GSE1: variants seen among roughly 807,000 people sequenced by gnomAD.
GSE1 encodes Gse1 coiled-coil protein.
In GSE1, 32 loss-of-function variants were observed where a neutral mutation model predicts 112.6. The observed-to-expected ratio is 0.28, with a 90% CI of 0.21 to 0.38. The LOEUF (loss-of-function observed/expected upper bound fraction) is 0.38. GSE1 is among the 10% of genes least tolerant of loss of function. GSE1 has a pLI of 1.00. For synonymous variants in GSE1, 1,115 were observed against 735.6 expected, an observed-to-expected ratio of 1.52 and a Z score of -8.35; for missense variants, 2,348 against 1,699.2, an observed-to-expected ratio of 1.38 and a Z score of -6.71.
intron 2 of GSE1, among the ~76,000 whole-genome samples, chr16:85,412,929 A>C (rs1358160125): frequency 6.6e-6 from 1 of 152,128 alleles, no homozygotes; most frequent in Non-Finnish European, 1.5e-5. Flanking sequence ...CCCCTGTGTG[A>C]CTGTATTGAC....
chr16:85,610,407 AGAG>A (rs1033825582), upstream of GSE1, among the ~76,000 whole-genome samples: 2 of 152,116 alleles, frequency 1.3e-5, no homozygotes, highest in Non-Finnish European at 2.9e-5. Flanking sequence ...TTAGGAAGAG[AGAG>A]GAGGAGGAGC....
rs116486412 is a variant in GSE1, at chr16:85,525,019, G to A, written c.2465-108895G>A. ...AACAACCTGCTCCCTGGGGTGATCCGGCCGTCTCACTGGCTGCCCGCAGCC... is the reference window on the plus strand; with the variant it reads ...AACAACCTGCTCCCTGGGGTGATCCAGCCGTCTCACTGGCTGCCCGCAGCC... On this transcript the variant is annotated intron_variant, in intron 2 of 2. Transcript: ENST00000637419. Among the ~76,000 whole-genome samples, 1,368 of 152,300 alleles carry A rather than the reference G, an allele frequency of 9.0e-3. 12 individuals are homozygous for A. Among genetic ancestry groups the A allele is most frequent in the Non-Finnish European group, 0.015 (998 of 68,016 alleles).
chr16:85,515,314 C>T (rs1357614578), intron 2 of GSE1, among the ~76,000 whole-genome samples: 1 of 152,272 alleles, frequency 6.6e-6, no homozygotes, highest in African/African-American at 2.4e-5. Context: ...GGCCTGGTCT[C>T]AGCCCACGCT....
At chr16:85,398,754 G>A (rs191548452) in intron 2 of GSE1, among the ~76,000 whole-genome samples, 2 of 152,262 alleles carry the variant, frequency 1.3e-5, no homozygotes, top group Non-Finnish European at 2.9e-5. Context: ...CTGGGTTCCT[G>A]GGCTGGAAGA....
intron 2 of GSE1, among the ~76,000 whole-genome samples, chr16:85,446,126 C>T (rs1024786705): frequency 2.0e-5 from 3 of 152,170 alleles, no homozygotes; most frequent in Admixed American, 6.5e-5. Flanking sequence ...CAGAGAGCCC[C>T]GCCTGGCCCT....
At chr16:85,469,992 C>G (rs183851223) in intron 2 of GSE1, among the ~76,000 whole-genome samples, 6 of 152,364 alleles carry the variant, frequency 3.9e-5, no homozygotes, top group Admixed American at 1.3e-4. Context: ...TGGAGGGCTG[C>G]TCCCACTCAC....
chr16:85,324,297 G>A (rs144705428), intron 1 of GSE1, among the ~76,000 whole-genome samples: 6 of 152,192 alleles, frequency 3.9e-5, no homozygotes, highest in African/African-American at 1.4e-4. Context: ...ATCACCTGGG[G>A]TCAGGAGTTT....
chr16:85,378,173 G>A (rs944845747), intron 2 of GSE1, among the ~76,000 whole-genome samples: 11 of 152,306 alleles, frequency 7.2e-5, no homozygotes, highest in Non-Finnish European at 1.3e-4. Context: ...GAGGAGGGCA[G>A]TGGGGGTAGG....
At chr16:85,633,847 G>A (rs573535667) in intron 1 of GSE1, 67 bp from the exon 2 acceptor site, 21 of 1,301,858 alleles carry the variant, frequency 1.6e-5, no homozygotes, top group South Asian at 3.8e-5. Context: ...CGGCCCTGCC[G>A]ACCCTGCTCT....
intron 7 of GSE1, among the ~76,000 whole-genome samples, 177 bp from the exon 8 acceptor site, chr16:85,657,100 C>T (rs1040286411): frequency 6.6e-6 from 1 of 152,206 alleles, no homozygotes; most frequent in African/African-American, 2.4e-5. Flanking sequence ...CTTCCAGGGA[C>T]AAGACATGCT....
At chr16:85,369,190 T>C (rs1260430818) in intron 2 of GSE1, among the ~76,000 whole-genome samples, 3 of 151,232 alleles carry the variant, frequency 2.0e-5, no homozygotes, top group Non-Finnish European at 3.0e-5. Context: ...AGGGGCCGTT[T>C]CATCTCCTAC....
intron 2 of GSE1, among the ~76,000 whole-genome samples, chr16:85,475,221 A>C (rs1357388131): frequency 1.3e-5 from 2 of 151,404 alleles, no homozygotes; most frequent in African/African-American, 2.4e-5. Flanking sequence ...CCCAGACCCC[A>C]CCCCACCTCC....
intron 1 of GSE1, among the ~76,000 whole-genome samples, chr16:85,192,353 A>G (rs1266951174): frequency 6.6e-6 from 1 of 152,264 alleles, no homozygotes; most frequent in East Asian, 1.9e-4. Flanking sequence ...TGTAAAGGTT[A>G]ATAGCCATAT....
intron 1 of GSE1, among the ~76,000 whole-genome samples, chr16:85,301,254 A>G (rs1286439418): frequency 6.6e-6 from 1 of 152,220 alleles, no homozygotes; most frequent in African/African-American, 2.4e-5. Context: ...TGGGCCCAGG[A>G]AAGTGGTGCC....
intron 1 of GSE1, among the ~76,000 whole-genome samples, chr16:85,621,407 G>GA (rs2048734906): frequency 6.6e-6 from 1 of 152,258 alleles, no homozygotes; most frequent in Admixed American, 6.5e-5. Context: ...TGTGCGCTGA[G>GA]ATCGTATCTA....
chr16:85,463,252 C>T (rs1177313149), intron 2 of GSE1: 1 of 270,758 alleles, frequency 3.7e-6, no homozygotes, highest in African/African-American at 2.3e-5. Context: ...CCTCCAGCCC[C>T]ATCACCTTCA....
chr16:85,273,830 C>T (rs112090762), intron 1 of GSE1, among the ~76,000 whole-genome samples: 3,314 of 151,560 alleles, frequency 0.022, 138 homozygotes, highest in African/African-American at 0.076. Context: ...GCTGGGATTA[C>T]AGGTACCTGC....
At chr16:85,555,144 C>T (rs1055257434), upstream of GSE1, 2 of 985,320 alleles carry the variant, frequency 2.0e-6, no homozygotes, top group African/African-American at 1.7e-5. Context: ...GCCGCTGCGC[C>T]CCTACCCTTT....
chr16:85,389,897 G>A (rs1054396495), intron 2 of GSE1, among the ~76,000 whole-genome samples: 1 of 152,172 alleles, frequency 6.6e-6, no homozygotes, highest in Non-Finnish European at 1.5e-5. Flanking sequence ...CACGCTTAGC[G>A]GATCTGGGCA....
Sources: gnomAD v4.1 joint callset for allele counts (sites outside exome capture counted in the v4.1 genomes callset) on GRCh38, gnomAD v4.1.1 for gene constraint, MANE v1.5 for transcripts, NCBI Gene and HGNC (gene_info 2026-07-23, HGNC 2026-07-21) for gene names.